The following CSMD1 variants were observed in gnomAD, a reference collection of about 807,000 sequenced individuals.
The protein encoded by CSMD1 is CUB and Sushi multiple domains 1, also known as CUB and sushi domain-containing protein 1.
A neutral mutation model predicts 417.5 loss-of-function variants in CSMD1; 213 were observed. That is an observed-to-expected ratio of 0.51 (90% CI 0.46 to 0.57). The LOEUF (loss-of-function observed/expected upper bound fraction) is 0.57, where lower values mean the gene tolerates loss of function less well. Among genes scored for constraint, CSMD1 ranks in the 20% least tolerant of loss-of-function variants. The probability of loss-of-function intolerance (pLI) is 0.00; values close to 1 mark genes in which losing one functional copy is unlikely to be tolerated. For synonymous variants in CSMD1, 2,862 were observed against 1,736.8 expected, an observed-to-expected ratio of 1.65 and a Z score of -16.11; for missense variants, 6,923 against 4,529.7, an observed-to-expected ratio of 1.53 and a Z score of -15.17.
chr8:3,161,892 CT>C (rs1819921557), intron 38 of CSMD1, among the ~76,000 whole-genome samples: 1 of 152,122 alleles, frequency 6.6e-6, no homozygotes, highest in Non-Finnish European at 1.5e-5. Context: ...CCCTAGAATG[CT>C]CTGTGCATAG....
intron 2 of CSMD1, among the ~76,000 whole-genome samples, chr8:4,506,745 A>T (rs1190590082): frequency 6.6e-6 from 1 of 152,174 alleles, no homozygotes; most frequent in Non-Finnish European, 1.5e-5. Context: ...ATCAGCTTAT[A>T]TATGGTTAAA....
intron 3 of CSMD1, among the ~76,000 whole-genome samples, chr8:4,358,126 C>G (rs1438470184): frequency 1.3e-5 from 2 of 152,128 alleles, no homozygotes; most frequent in Non-Finnish European, 2.9e-5. Flanking sequence ...AATTTATTCT[C>G]AAAATTTATT....
intron 1 of CSMD1, among the ~76,000 whole-genome samples, chr8:4,647,584 T>A (rs188628340): frequency 6.6e-6 from 1 of 150,384 alleles, no homozygotes; most frequent in Non-Finnish European, 1.5e-5. Context: ...CCCCCCAATA[T>A]GTCCTGGTGT....
rs569080971 is a variant in CSMD1, at chr8:3,988,733, A to G, written c.818+9170T>C. Among the ~76,000 whole-genome samples the G allele has an allele frequency of 1.4e-4, 22 of 152,350 alleles. No individual in the cohort carries two copies. The South Asian group carries it at 4.6e-3, about 32-fold the overall frequency. Reference sequence around the variant, plus strand: ...GGATAGCATTTTGATTTTCATTCACAAAGTTGACGGACATATACAAAAACA... The same window carrying G: ...GGATAGCATTTTGATTTTCATTCACGAAGTTGACGGACATATACAAAAACA... On this transcript the variant is annotated intron_variant, in intron 5 of 69. Transcript: ENST00000635120.
At chr8:4,341,248 A>G (rs1800459814) in intron 3 of CSMD1, among the ~76,000 whole-genome samples, 1 of 152,072 alleles carries the variant, frequency 6.6e-6, no homozygotes, top group African/African-American at 2.4e-5. Context: ...GTTTTCCAGT[A>G]TTTTTCAGAA....
intron 16 of CSMD1, among the ~76,000 whole-genome samples, chr8:3,398,180 T>A (rs1811815236): frequency 6.6e-6 from 1 of 152,138 alleles, no homozygotes; most frequent in East Asian, 1.9e-4. Flanking sequence ...TTACTTAAAT[T>A]TGATACGCTG....
At chr8:4,966,375 A>G (rs762130915) in intron 1 of CSMD1, among the ~76,000 whole-genome samples, 3 of 152,084 alleles carry the variant, frequency 2.0e-5, no homozygotes, top group Non-Finnish European at 4.4e-5. Flanking sequence ...GTGAAACTCC[A>G]TCTCAAACAA....
intron 3 of CSMD1, among the ~76,000 whole-genome samples, chr8:4,095,647 C>G (rs889188454): frequency 6.6e-6 from 1 of 152,116 alleles, no homozygotes. Context: ...GAGAAAACAT[C>G]CACATTCAAC....
intron 5 of CSMD1, among the ~76,000 whole-genome samples, chr8:3,860,559 G>T (rs927715948): frequency 6.6e-6 from 1 of 152,068 alleles, no homozygotes; most frequent in African/African-American, 2.4e-5. Flanking sequence ...AATGATATCA[G>T]AAAATACGCA....
intron 1 of CSMD1, among the ~76,000 whole-genome samples, chr8:4,870,491 T>C (rs533251741): frequency 2.6e-5 from 4 of 152,174 alleles, no homozygotes; most frequent in Non-Finnish European, 5.9e-5. Context: ...TAGACATGTT[T>C]GGGTTTTCAC....
chr8:4,965,366 A>G (rs1029011546), intron 1 of CSMD1, among the ~76,000 whole-genome samples: 1 of 152,222 alleles, frequency 6.6e-6, no homozygotes, highest in Admixed American at 6.5e-5. Context: ...AAGCAGGTGT[A>G]CACAAGGTCC....
At chr8:3,735,023 G>A (rs1796458288) in intron 6 of CSMD1, among the ~76,000 whole-genome samples, 1 of 152,174 alleles carries the variant, frequency 6.6e-6, no homozygotes, top group South Asian at 2.1e-4. Flanking sequence ...AGGGAATGCT[G>A]TTTTTGTAAA....
chr8:4,019,456 T>C (rs1585143253), intron 4 of CSMD1, among the ~76,000 whole-genome samples: 1 of 21,750 alleles, frequency 4.6e-5, no homozygotes. Flanking sequence ...ATTCCCTTAT[T>C]AGGGCCCTTA....
chr8:4,107,006 A>G (rs930716512), intron 3 of CSMD1, among the ~76,000 whole-genome samples: 1 of 152,228 alleles, frequency 6.6e-6, no homozygotes, highest in Non-Finnish European at 1.5e-5. Flanking sequence ...CAACACTAAC[A>G]GGAGAGAAAA....
intron 2 of CSMD1, among the ~76,000 whole-genome samples, chr8:4,468,595 T>A (rs1563208344): frequency 6.6e-6 from 1 of 152,166 alleles, no homozygotes; most frequent in Non-Finnish European, 1.5e-5. Context: ...CAGCCACAAA[T>A]GATTTTTCAA....
At chr8:4,821,575 C>G (rs950130260) in intron 1 of CSMD1, among the ~76,000 whole-genome samples, 4 of 152,120 alleles carry the variant, frequency 2.6e-5, no homozygotes, top group African/African-American at 9.7e-5. Flanking sequence ...CCCTAGTAAT[C>G]AGGGCTCTTC....
intron 3 of CSMD1, among the ~76,000 whole-genome samples, chr8:4,104,892 T>A (rs1183555640): frequency 6.6e-6 from 1 of 152,178 alleles, no homozygotes; most frequent in Admixed American, 6.5e-5. Flanking sequence ...TTTGTATCCA[T>A]TAAGATCAAT....
Position 4,419,981 on chromosome 8 carries a change from A to G in CSMD1, c.387T>C (p.Ser129=). Residue 129 remains serine (S), a synonymous_variant, in exon 3 of 70, where the codon AGT becomes AGC. Transcript: ENST00000635120. Reference sequence around the variant, plus strand: ...CATATAATGCTTTGAAACCTTGGGCACTCACAGCGAAGTCTGTCGTGAACC... The same window carrying G: ...CATATAATGCTTTGAAACCTTGGGCGCTCACAGCGAAGTCTGTCGTGAACC... The part of the protein sequence containing the change: ...TLWFTTDFAV[S]AQGFKALYEV... 1 of 1,585,896 alleles carries G rather than the reference A, an allele frequency of 6.3e-7. No individual in the cohort carries two copies. The highest frequency in any genetic ancestry group is 8.6e-7 in the Non-Finnish European group (1 of 1,164,832).
At chr8:3,877,212 G>T (rs1395820810) in intron 5 of CSMD1, among the ~76,000 whole-genome samples, 1 of 152,074 alleles carries the variant, frequency 6.6e-6, no homozygotes, top group Non-Finnish European at 1.5e-5. Context: ...ACTGGGCTCA[G>T]CACCCCACAC....
Sources: gnomAD v4.1 joint callset for allele counts (sites outside exome capture counted in the v4.1 genomes callset) on GRCh38, gnomAD v4.1.1 for gene constraint, MANE v1.5 for transcripts, NCBI Gene and HGNC (gene_info 2026-07-23, HGNC 2026-07-21) for gene names.